Variants in SUMF1 observed in about 807,000 individuals in gnomAD.
SUMF1 encodes formylglycine-generating enzyme.
In SUMF1, 48 loss-of-function variants were observed where a neutral mutation model predicts 47.6. The ratio of observed to expected loss-of-function variants is 1.01; its 90% confidence interval spans 0.80 to 1.28. The LOEUF (loss-of-function observed/expected upper bound fraction) is 1.28, where lower values mean the gene tolerates loss of function less well. Ranked by LOEUF, SUMF1 falls within the 50% of genes most tolerant of loss-of-function variation. The probability of loss-of-function intolerance (pLI) is 0.00; values close to 1 mark genes in which losing one functional copy is unlikely to be tolerated. For missense variants in SUMF1, 571 were observed against 485.4 expected (o/e 1.18, Z -1.66); for synonymous variants, 230 against 192.1 (o/e 1.20, Z -1.63).
intron 8 of SUMF1, among the ~76,000 whole-genome samples, chr3:4,155,495 C>T (rs1463435969): frequency 6.6e-6 from 1 of 151,412 alleles, no homozygotes. Context: ...AGGGACGGCT[C>T]CTTCCCTCCT....
chr3:4,431,923 A>G (rs1702246175), intron 3 of SUMF1, among the ~76,000 whole-genome samples: 1 of 152,164 alleles, frequency 6.6e-6, no homozygotes, highest in South Asian at 2.1e-4. Flanking sequence ...CCACAGTCTC[A>G]GCTTGAACAA....
At chr3:4,210,674 G>C (rs929078948) in intron 8 of SUMF1, among the ~76,000 whole-genome samples, 4 of 152,108 alleles carry the variant, frequency 2.6e-5, no homozygotes, top group African/African-American at 9.7e-5. Context: ...AGGTAAACTT[G>C]TAACATGGGC....
chr3:4,434,087 T>C (rs1281530515), intron 3 of SUMF1, among the ~76,000 whole-genome samples: 1 of 152,204 alleles, frequency 6.6e-6, no homozygotes, highest in Non-Finnish European at 1.5e-5. Flanking sequence ...ATAGGAGAAT[T>C]CACAGAGGCT....
At chr3:4,310,193 C>T (rs923549682) in intron 8 of SUMF1, among the ~76,000 whole-genome samples, 1 of 152,188 alleles carries the variant, frequency 6.6e-6, no homozygotes, top group African/African-American at 2.4e-5. Context: ...CAGCACATGA[C>T]TACTCGAAGT....
At chr3:4,412,787 G>A (rs2125016153) in intron 6 of SUMF1, among the ~76,000 whole-genome samples, 1 of 152,250 alleles carries the variant, frequency 6.6e-6, no homozygotes, top group African/African-American at 2.4e-5. Context: ...CTACTCAGGA[G>A]GCTGAGGTAG....
Position 4,361,740 on chromosome 3 carries a change from C to G in SUMF1, c.*404G>C. 4.4e-6 allele frequency: 1 copy of G among 229,500 alleles called. No homozygotes were observed. The highest frequency in any genetic ancestry group is 7.3e-5 in the South Asian group (1 of 13,720). 14.2% of individuals were successfully genotyped at this position (229,500 alleles called of 1,614,324 possible). A position where few individuals can be genotyped will look rare whatever the true frequency, so the allele number is the denominator to read the frequency against. On this transcript the variant is annotated 3_prime_UTR_variant, in exon 9 of 9. Transcript: ENST00000272902. ...TTTTAGAACTGGTGAGTTGGAGAGA[C>G]ACCCAGAGGTCATGCTGTCCATCCC... is the stretch of plus-strand genomic sequence containing the variant.
At chr3:4,202,394 G>A (rs1695559311) in intron 8 of SUMF1, among the ~76,000 whole-genome samples, 1 of 151,912 alleles carries the variant, frequency 6.6e-6, no homozygotes. Context: ...TGGCACCTCT[G>A]TCAAAAATGA....
intron 9 of SUMF1, among the ~76,000 whole-genome samples, chr3:4,034,991 C>T (rs1694767566): frequency 6.6e-6 from 1 of 151,806 alleles, no homozygotes; most frequent in African/African-American, 2.4e-5. Context: ...GGCACAAAAG[C>T]ATGTCCAGGC....
intron 3 of SUMF1, among the ~76,000 whole-genome samples, chr3:4,427,965 C>T (rs377571649): frequency 6.6e-6 from 1 of 151,970 alleles, no homozygotes; most frequent in Admixed American, 6.6e-5. Flanking sequence ...AAAAAATTAA[C>T]AAAAATGAGA....
Position 4,211,199 on chromosome 3 carries a change from C to CATATATATATATATATGTAT in SUMF1, c.1015-142455_1015-142454insATACATATATATATATATAT, listed in dbSNP as rs3046224. On this transcript the variant is annotated intron_variant and NMD_transcript_variant, in intron 8 of 12. Transcript: ENST00000448413. ...ATATATATACATATACATATACATA[C>CATATATATATATATATGTAT]ATACATATATATATATATATATATA... Among the ~76,000 whole-genome samples the CATATATATATATATATGTAT allele has an allele frequency of 4.7e-4, 40 of 85,024 alleles. 1 individual carries two copies. Among genetic ancestry groups the CATATATATATATATATGTAT allele is most frequent in the African/African-American group, 1.8e-3 (37 of 20,590 alleles). 55.8% of individuals were successfully genotyped at this position (85,024 alleles called of 152,430 possible). A position where few individuals can be genotyped will look rare whatever the true frequency, so the allele number is the denominator to read the frequency against.
intron 8 of SUMF1, among the ~76,000 whole-genome samples, chr3:4,117,990 T>C (rs1349259273): frequency 6.6e-6 from 1 of 151,988 alleles, no homozygotes; most frequent in Non-Finnish European, 1.5e-5. Context: ...AAGGCATGAA[T>C]AGGTGTCTTT....
Position 4,279,533 on chromosome 3 carries a change from C to T in SUMF1, c.1014+96797G>A, listed in dbSNP as rs1017743908. 3.3e-5 allele frequency among the ~76,000 whole-genome samples: 5 copies of T among 151,938 alleles called. No individual in the cohort carries two copies. In the South Asian group the frequency reaches 1.0e-3, roughly 32 times the overall value. On this transcript the variant is annotated intron_variant and NMD_transcript_variant, in intron 8 of 12. Coordinates refer to the SUMF1 transcript ENST00000448413. ...TACTGGAAAGTAGAGAAGCAAGTTA[C>T]AAATAGTAGGCGCTATGATCCAACT...
chr3:4,443,084 T>G (rs572026931), intron 3 of SUMF1, among the ~76,000 whole-genome samples: 1 of 150,746 alleles, frequency 6.6e-6, no homozygotes, highest in South Asian at 2.1e-4. Flanking sequence ...GAGACCAGTC[T>G]GAGCAACATG....
intron 7 of SUMF1, among the ~76,000 whole-genome samples, chr3:4,403,583 T>A (rs1469912177): frequency 6.6e-6 from 1 of 152,100 alleles, no homozygotes; most frequent in Admixed American, 6.5e-5. Flanking sequence ...TTCTTAGGTA[T>A]CTGAAGAGCT....
intron 3 of SUMF1, among the ~76,000 whole-genome samples, chr3:4,438,787 A>G (rs1024722176): frequency 2.0e-5 from 3 of 152,194 alleles, no homozygotes; most frequent in Non-Finnish European, 4.4e-5. Context: ...AAATTTGCAC[A>G]GCAAAATTAA....
chr3:4,100,584 A>G (rs1476573964), intron 8 of SUMF1, among the ~76,000 whole-genome samples: 1 of 152,072 alleles, frequency 6.6e-6, no homozygotes, highest in African/African-American at 2.4e-5. Context: ...AGAAGAAAAC[A>G]TAGGGGGAAA....
rs1458904275 is a variant in SUMF1, at chr3:4,467,128, C to T, written c.118G>A (p.Gly40Ser). Residue 40 changes from glycine (G) to serine (S), a missense_variant, in exon 1 of 9, where the codon GGT (glycine) becomes AGT (serine). Physicochemically the swap from Gly to Ser is moderately conservative, Grantham distance 56. Transcript: ENST00000272902. Reference sequence around the variant, plus strand: ...CCCGCAAGGGACCCCGCGCCCGCACCGGTCCCGGCCTCCTGGCTCCCTGCC... The same window carrying T: ...CCCGCAAGGGACCCCGCGCCCGCACTGGTCCCGGCCTCCTGGCTCCCTGCC... ...GAAGSQEAGTGAGAGSLAGSC... is the reference protein window; with the variant it reads ...GAAGSQEAGTSAGAGSLAGSC... The T allele has an allele frequency of 6.4e-7, 1 of 1,563,364 alleles. No individual in the cohort carries two copies. Among genetic ancestry groups the T allele is most frequent in the South Asian group, 1.2e-5 (1 of 85,676 alleles).
intron 8 of SUMF1, among the ~76,000 whole-genome samples, chr3:4,340,326 G>A (rs1165690349): frequency 2.0e-5 from 3 of 152,036 alleles, no homozygotes; most frequent in African/African-American, 7.2e-5. Context: ...CATTCACATT[G>A]TGCTTACCAC....
chr3:4,451,852 T>C (rs1243067367), intron 2 of SUMF1, among the ~76,000 whole-genome samples: 1 of 152,034 alleles, frequency 6.6e-6, no homozygotes, highest in Non-Finnish European at 1.5e-5. Flanking sequence ...CCCGGCTAAT[T>C]TTTTGTACTT....
Sources: gnomAD v4.1 joint callset for allele counts (sites outside exome capture counted in the v4.1 genomes callset) on GRCh38, gnomAD v4.1.1 for gene constraint, MANE v1.5 for transcripts, NCBI Gene and HGNC (gene_info 2026-07-23, HGNC 2026-07-21) for gene names.